ZNF771: variants seen among roughly 807,000 people sequenced by gnomAD.
ZNF771 encodes the protein mesenchymal stem cell protein DSC43.
Under a neutral mutation model 27.6 loss-of-function variants are expected in ZNF771, and 10 were observed. The ratio of observed to expected loss-of-function variants is 0.36; its 90% CI spans 0.22 to 0.61. The LOEUF (loss-of-function observed/expected upper bound fraction) is 0.61, where lower values mean the gene tolerates loss of function less well. Among genes scored for constraint, ZNF771 ranks in the 20% least tolerant of loss-of-function variants. ZNF771 has a pLI of 0.70. For synonymous variants in ZNF771, 261 were observed against 225.2 expected (o/e 1.16, Z -1.43); for missense variants, 438 against 503.7 (o/e 0.87, Z 1.25).
intron 2 of ZNF771, chr16:30,413,525 T>C: frequency 3.2e-6 from 1 of 310,068 alleles, no homozygotes; most frequent in South Asian, 2.4e-5. Flanking sequence ...TTTTTAAAGT[T>C]TGCCCACATA....
At chr16:30,407,997 G>GGC in intron 1 of ZNF771, 48 bp from the exon 2 acceptor site, 2 of 884,062 alleles carry the variant, frequency 2.3e-6, no homozygotes, top group Middle Eastern at 4.0e-4. Flanking sequence ...CGGGGGGGGG[G>GGC]GTGGGGGGGG....
chr16:30,416,500 T>C (rs1313817788), intron 2 of ZNF771, among the ~76,000 whole-genome samples: 1 of 152,100 alleles, frequency 6.6e-6, no homozygotes, highest in Non-Finnish European at 1.5e-5. Flanking sequence ...ATATCTAATC[T>C]CTTATTAAAT....
At position 30,417,785 on chromosome 16, in the gene ZNF771, C is replaced by G; in HGVS notation, c.372C>G (p.Cys124Trp). ...AGCGGCCCTACGAGTGCCCCGAGTG[C>G]GACAAACGCTTCTCGGCCGCCTCGA... ...TGERPYECPE[C>W]DKRFSAASNL... The change falls in exon 3 of 3, where the codon TGC (cysteine) becomes TGG (tryptophan). Residue 124 changes from cysteine (C) to tryptophan (W), a missense_variant. Cys to Trp is a radical substitution (Grantham distance 215, BLOSUM62 -2). Coordinates refer to ENST00000319296, the MANE Select transcript of ZNF771 (RefSeq NM_001142305.2). 2 of 1,476,388 alleles carry G rather than the reference C, an allele frequency of 1.4e-6. No individual in the cohort carries two copies. The highest frequency in any genetic ancestry group is 1.8e-6 in the Non-Finnish European group (2 of 1,119,448). The allele number at this position is 1,476,388 out of a possible 1,614,324, so 91.5% of individuals were successfully genotyped here.
intron 2 of ZNF771, among the ~76,000 whole-genome samples, chr16:30,415,382 C>T (rs992970553): frequency 7.6e-6 from 1 of 132,220 alleles, no homozygotes; most frequent in African/African-American, 2.9e-5. Context: ...TGCTGTCACC[C>T]TTTTTTTTTT....
At chr16:30,417,125 C>T (rs956763759) in intron 2 of ZNF771, among the ~76,000 whole-genome samples, 1 of 152,196 alleles carries the variant, frequency 6.6e-6, no homozygotes, top group Admixed American at 6.6e-5. Context: ...ATCCACGTAG[C>T]CTGCTCTGTC....
intron 1 of ZNF771, 45 bp from the exon 2 acceptor site, chr16:30,408,000 G>GT (rs2050085611): frequency 2.8e-5 from 19 of 686,632 alleles, no homozygotes; most frequent in Non-Finnish European, 3.4e-5. Flanking sequence ...GGGGGGGGGT[G>GT]GGGGGGGGCG....
Position 30,408,068 on chromosome 16 carries a change from G to T in ZNF771, c.15G>T (p.Gln5His). 3 of 1,599,576 alleles carry T rather than the reference G, an allele frequency of 1.9e-6. No homozygotes were observed. Among genetic ancestry groups the T allele is most frequent in the South Asian group, 1.1e-5 (1 of 89,360 alleles). The change falls in exon 2 of 3, where the codon CAG becomes CAT. Residue 5 changes from glutamine (Q) to histidine (H), a missense_variant. Gln to His is a conservative substitution (Grantham distance 24). Around this residue, in one of 3 missense-constraint regions of ZNF771, gnomAD observed 84 missense variants for 89.2 expected, o/e 0.94. Transcript: ENST00000319296. MPGE[Q>H]QAEEEEEEEM... Reference sequence around the variant, plus strand: ...AGGACACCAAGATGCCTGGCGAACAGCAGGCAGAGGAAGAGGAGGAGGAAG... The same window carrying T: ...AGGACACCAAGATGCCTGGCGAACATCAGGCAGAGGAAGAGGAGGAGGAAG...
intron 2 of ZNF771, among the ~76,000 whole-genome samples, chr16:30,412,944 C>A (rs910711107): frequency 6.6e-6 from 1 of 152,126 alleles, no homozygotes; most frequent in Non-Finnish European, 1.5e-5. Context: ...GTCTTATTTC[C>A]TTATATATAA....
At chr16:30,417,060 G>T (rs770931660) in intron 2 of ZNF771, among the ~76,000 whole-genome samples, 1 of 152,068 alleles carries the variant, frequency 6.6e-6, no homozygotes, top group Non-Finnish European at 1.5e-5. Context: ...TGGAACAGCA[G>T]GCAACTCCCG....
chr16:30,416,264 C>T, intron 2 of ZNF771, among the ~76,000 whole-genome samples: 1 of 152,094 alleles, frequency 6.6e-6, no homozygotes, highest in East Asian at 1.9e-4. Context: ...ATTCTCAAGG[C>T]TTTATAAACC....
At chr16:30,417,297 C>T (rs569007288) in intron 2 of ZNF771, among the ~76,000 whole-genome samples, 6 of 152,366 alleles carry the variant, frequency 3.9e-5, no homozygotes, top group Non-Finnish European at 8.8e-5. Context: ...GTGCCTAGAA[C>T]AGTCTAGGAC....
rs975355502 is a variant in ZNF771, at chr16:30,407,911, G to A, written c.-9-134G>A. 1.5e-5 allele frequency: 9 copies of A among 619,480 alleles called. No homozygotes were observed. In the East Asian group the frequency reaches 1.8e-4, roughly 12 times the overall value. 38.4% of individuals were successfully genotyped at this position (619,480 alleles called of 1,614,324 possible). On this transcript the variant is annotated intron_variant, in intron 1 of 2. Coordinates refer to ENST00000319296, the MANE Select transcript of ZNF771 (RefSeq NM_001142305.2). Reference sequence around the variant, plus strand: ...GGGCCGGGCTGGGGTGGACGGGAGAGGACCAGATTCGGAGACCAGGGCAGG... The same window carrying A: ...GGGCCGGGCTGGGGTGGACGGGAGAAGACCAGATTCGGAGACCAGGGCAGG...
Position 30,407,670 on chromosome 16 carries a change from T to C in ZNF771, c.-10+6T>C, listed in dbSNP as rs934240001. ...GAGTGCCGAACCTTCGGCTGGTGAG[T>C]GCGCACCCCCTCCCCGGGGTTTCCG... On this transcript the variant is annotated splice_donor_region_variant and intron_variant, in intron 1 of 2. Transcript: ENST00000319296. 6.0e-6 allele frequency: 1 copy of C among 167,040 alleles called. No homozygotes were observed. The highest frequency in any genetic ancestry group is 2.4e-5 in the African/African-American group (1 of 41,470). 10.3% of individuals were successfully genotyped at this position (167,040 alleles called of 1,614,324 possible). A position where few individuals can be genotyped will look rare whatever the true frequency, so the allele number is the denominator to read the frequency against.
intron 2 of ZNF771, among the ~76,000 whole-genome samples, chr16:30,415,065 C>T (rs1296555078): frequency 7.1e-6 from 1 of 140,314 alleles, no homozygotes; most frequent in Non-Finnish European, 1.5e-5. Context: ...TCAAGTGATT[C>T]TCCTGCCTCA....
chr16:30,409,904 C>T (rs771486894), intron 2 of ZNF771, among the ~76,000 whole-genome samples: 21 of 152,136 alleles, frequency 1.4e-4, no homozygotes, highest in Non-Finnish European at 2.2e-4. Flanking sequence ...AACCGCTCCA[C>T]GCCTCAGTTT....
At chr16:30,412,119 C>T (rs1160386637) in intron 2 of ZNF771, among the ~76,000 whole-genome samples, 3 of 152,160 alleles carry the variant, frequency 2.0e-5, no homozygotes, top group Non-Finnish European at 4.4e-5. Context: ...CGACACCTAT[C>T]CCATCCCCCC....
chr16:30,417,815 G>C lies in ZNF771; in HGVS notation c.402G>C (p.Leu134=). 2 of 1,498,232 alleles carry C rather than the reference G, an allele frequency of 1.3e-6. No individual in the cohort carries two copies. The highest frequency in any genetic ancestry group is 1.8e-6 in the Non-Finnish European group (2 of 1,131,842). The allele number at this position is 1,498,232 out of a possible 1,614,324, so 92.8% of individuals were successfully genotyped here. ...AACGCTTCTCGGCCGCCTCGAACCT[G>C]CGGCAGCACCGGCGGCGGCACACGG... ...CDKRFSAASN[L]RQHRRRHTGE... The change falls in exon 3 of 3, where the codon CTG becomes CTC. Residue 134 remains leucine, a synonymous_variant. Coordinates refer to ENST00000319296, the MANE Select transcript of ZNF771 (RefSeq NM_001142305.2).
intron 2 of ZNF771, among the ~76,000 whole-genome samples, chr16:30,408,530 C>T (rs763983404): frequency 6.6e-6 from 1 of 152,176 alleles, no homozygotes; most frequent in Non-Finnish European, 1.5e-5. Flanking sequence ...GGGAACTTAA[C>T]TCAGATTTAG....
At position 30,418,950 on chromosome 16, in the gene ZNF771, C is replaced by A. The variant is rs1015409263; in HGVS notation, c.*583C>A. The A allele has an allele frequency of 6.6e-6, 1 of 152,198 alleles. No individual in the cohort carries two copies. Among genetic ancestry groups the A allele is most frequent in the Non-Finnish European group, 1.5e-5 (1 of 68,082 alleles). The allele number at this position is 152,198 out of a possible 1,614,324, so 9.4% of individuals were successfully genotyped here. A position where few individuals can be genotyped will look rare whatever the true frequency, so the allele number is the denominator to read the frequency against. On this transcript the variant is annotated 3_prime_UTR_variant, in exon 3 of 3. Coordinates refer to ENST00000319296, the MANE Select transcript of ZNF771 (RefSeq NM_001142305.2). ...TAACTGCTTTGTTATGTAAGCTTAC[C>A]CAGCCCGGCGCACAGTGACTCACGC...
Sources: gnomAD v4.1 joint callset for allele counts (sites outside exome capture counted in the v4.1 genomes callset) on GRCh38, gnomAD v4.1.1 for gene constraint, gnomAD v4.1.1 regional missense constraint, MANE v1.5 for transcripts, NCBI Gene and HGNC (gene_info 2026-07-23, HGNC 2026-07-21) for gene names.